The following MELK variants were observed in gnomAD, a reference collection of about 807,000 sequenced individuals.
MELK encodes the protein pEg3 kinase.
MELK carries 81 observed loss-of-function variants against 85.0 expected under a neutral mutation model. The ratio of observed to expected loss-of-function variants is 0.95; its 90% CI spans 0.80 to 1.15. The LOEUF is 1.15. MELK is among the 50% of genes most tolerant of loss of function. MELK has a pLI of 0.00. For missense variants in MELK, 754 were observed against 777.5 expected, an observed-to-expected ratio of 0.97 and a Z score of 0.36; for synonymous variants, 252 against 265.0, an observed-to-expected ratio of 0.95 and a Z score of 0.48.
chr9:36,597,681 T>C (rs1049255392), intron 6 of MELK, among the ~76,000 whole-genome samples: 5 of 152,230 alleles, frequency 3.3e-5, no homozygotes, highest in Non-Finnish European at 1.5e-5. Flanking sequence ...AAATCTGTTA[T>C]CCAAATGGTT....
chr9:36,648,490 CAGA>C (rs34590574), intron 11 of MELK, among the ~76,000 whole-genome samples: 2,461 of 152,298 alleles, frequency 0.016, 63 homozygotes, highest in African/African-American at 0.055. Flanking sequence ...CGCATCCTGG[CAGA>C]AGACTGGAGG....
At chr9:36,600,385 A>G (rs2135599955) in intron 7 of MELK, among the ~76,000 whole-genome samples, 1 of 141,832 alleles carries the variant, frequency 7.1e-6, no homozygotes, top group South Asian at 2.3e-4. Flanking sequence ...CAGCCTCCAA[A>G]TCTTTCTTTT....
chr9:36,660,712 C>T (rs958000683), intron 13 of MELK, among the ~76,000 whole-genome samples: 3 of 151,082 alleles, frequency 2.0e-5, no homozygotes, highest in African/African-American at 7.3e-5. Flanking sequence ...AGCTTTCAGG[C>T]TGGGTGCAGT....
chr9:36,637,175 T>C (rs547106786), intron 10 of MELK, among the ~76,000 whole-genome samples: 2 of 152,046 alleles, frequency 1.3e-5, no homozygotes, highest in South Asian at 4.2e-4. Context: ...GCCCTAGTGC[T>C]CTAGCATTTT....
chr9:36,647,638 G>A (rs1830344687), intron 11 of MELK, among the ~76,000 whole-genome samples: 1 of 151,858 alleles, frequency 6.6e-6, no homozygotes, highest in Non-Finnish European at 1.5e-5. Flanking sequence ...ACAGGCGCCT[G>A]CCACCACACC....
intron 10 of MELK, among the ~76,000 whole-genome samples, chr9:36,641,292 C>G (rs1435886256): frequency 6.6e-6 from 1 of 152,162 alleles, no homozygotes; most frequent in South Asian, 2.1e-4. Flanking sequence ...GGCGCTTGCT[C>G]TATGTTGCAT....
chr9:36,614,494 T>G (rs1826378937), intron 8 of MELK, among the ~76,000 whole-genome samples: 1 of 129,826 alleles, frequency 7.7e-6, no homozygotes, highest in Admixed American at 7.8e-5. Context: ...GAGGGGGATT[T>G]GGCAGGGTCA....
At chr9:36,637,733 C>T (rs116491152) in intron 10 of MELK, among the ~76,000 whole-genome samples, 13 of 152,278 alleles carry the variant, frequency 8.5e-5, no homozygotes, top group East Asian at 7.7e-4. Context: ...GTAGCCAGCT[C>T]GTCTTGGAAA....
chr9:36,620,723 G>T (rs574341702), intron 8 of MELK, among the ~76,000 whole-genome samples: 1 of 151,680 alleles, frequency 6.6e-6, no homozygotes, highest in South Asian at 2.1e-4. Context: ...GCTAATTTTT[G>T]TATTTTTAGT....
At chr9:36,633,239 T>G (rs1828823393) in intron 10 of MELK, 39 bp downstream of exon 10, 1 of 1,428,854 alleles carries the variant, frequency 7.0e-7, no homozygotes, top group Admixed American at 2.0e-5. Flanking sequence ...TTTTTTGACT[T>G]TGTGTGGTCT....
intron 14 of MELK, among the ~76,000 whole-genome samples, chr9:36,667,746 C>T (rs544050221): frequency 6.6e-6 from 1 of 151,692 alleles, no homozygotes; most frequent in African/African-American, 2.4e-5. Context: ...TTTCTTTTTT[C>T]TCTTCTCTCC....
Position 36,630,140 on chromosome 9 carries a change from C to T in MELK, c.667-159C>T, listed in dbSNP as rs568337976. 4.9e-5 allele frequency: 32 copies of T among 647,502 alleles called. No homozygotes were observed. The South Asian group carries it at 6.1e-4, about 12-fold the overall frequency. The allele number at this position is 647,502 out of a possible 1,614,324, so 40.1% of individuals were successfully genotyped here. On this transcript the variant is annotated intron_variant, in intron 8 of 17. Coordinates refer to ENST00000298048, the MANE Select transcript of MELK (RefSeq NM_014791.4). The stretch of plus-strand genomic sequence containing the variant: ...GACTTCAGGTGTGAGCCACCACGCC[C>T]AGCCAAGAAATTGATTTTTTTTAGT...
chr9:36,673,982 C>G (rs1416161089), intron 16 of MELK, among the ~76,000 whole-genome samples: 4 of 143,922 alleles, frequency 2.8e-5, no homozygotes, highest in Admixed American at 1.3e-4. Context: ...GAAGCACTAC[C>G]TTAAGAAATT....
chr9:36,614,933 G>T (rs1175296291), intron 8 of MELK, among the ~76,000 whole-genome samples: 1 of 147,810 alleles, frequency 6.8e-6, no homozygotes, highest in Admixed American at 6.6e-5. Flanking sequence ...ATCCTGGCCC[G>T]TTCTCAATGA....
chr9:36,666,586 C>T (rs1225550901), intron 14 of MELK, among the ~76,000 whole-genome samples: 1 of 152,128 alleles, frequency 6.6e-6, no homozygotes, highest in African/African-American at 2.4e-5. Context: ...TCTCAAGTTT[C>T]AAGATTCTAA....
intron 7 of MELK, among the ~76,000 whole-genome samples, chr9:36,600,540 C>T (rs1476586150): frequency 8.5e-5 from 13 of 152,146 alleles, no homozygotes; most frequent in Admixed American, 2.0e-4. Flanking sequence ...TCCGCCACCA[C>T]GCCTGGCTAC....
At chr9:36,592,957 C>CT (rs979323705) in intron 4 of MELK, among the ~76,000 whole-genome samples, 11 of 152,276 alleles carry the variant, frequency 7.2e-5, no homozygotes, top group Non-Finnish European at 1.5e-4. Flanking sequence ...CATAGCCACC[C>CT]TGCCCTTACC....
At chr9:36,592,221 C>G (rs931197523) in intron 4 of MELK, among the ~76,000 whole-genome samples, 6 of 138,114 alleles carry the variant, frequency 4.3e-5, no homozygotes, top group African/African-American at 1.4e-4. Context: ...GTCTTGAGTG[C>G]TGGAGTGCAA....
intron 15 of MELK, among the ~76,000 whole-genome samples, chr9:36,670,753 T>G (rs1015447926): frequency 1.3e-5 from 2 of 148,648 alleles, no homozygotes; most frequent in African/African-American, 5.1e-5. Flanking sequence ...AGGATATATA[T>G]ATCCTTTTTT....
Sources: gnomAD v4.1 joint callset for allele counts (sites outside exome capture counted in the v4.1 genomes callset) on GRCh38, gnomAD v4.1.1 for gene constraint, MANE v1.5 for transcripts, NCBI Gene and HGNC (gene_info 2026-07-23, HGNC 2026-07-21) for gene names.